MED12L: variants seen among roughly 807,000 people sequenced by gnomAD.
MED12L encodes mediator complex subunit 12L, also known as mediator of RNA polymerase II transcription subunit 12-like protein.
A neutral mutation model predicts 281.3 loss-of-function variants in MED12L; 60 were observed. The ratio of observed to expected loss-of-function variants is 0.21; its 90% confidence interval spans 0.17 to 0.26. The LOEUF (loss-of-function observed/expected upper bound fraction) is 0.26. MED12L is among the 10% of genes least tolerant of loss of function. The pLI is 1.00. For missense variants in MED12L, 2,146 were observed against 2,680.9 expected (o/e 0.80, Z 4.41); for synonymous variants, 974 against 987.2 (o/e 0.99, Z 0.25).
chr3:151,228,991 C>A (rs937683331), intron 16 of MED12L, among the ~76,000 whole-genome samples: 2 of 152,192 alleles, frequency 1.3e-5, no homozygotes, highest in African/African-American at 4.8e-5. Flanking sequence ...GGCTGTTAGA[C>A]CATTAGTGGT....
At chr3:151,329,673 G>A (rs1750131575) in intron 16 of MED12L, 3 of 509,416 alleles carry the variant, frequency 5.9e-6, no homozygotes, top group South Asian at 6.6e-5. Flanking sequence ...CTCTATTTTA[G>A]TTCAAACTTT....
intron 14 of MED12L, among the ~76,000 whole-genome samples, chr3:151,192,327 C>G (rs1387021146): frequency 5.3e-5 from 8 of 152,182 alleles, no homozygotes. Flanking sequence ...GTGTGCTCTT[C>G]TCTTAAAATA....
intron 11 of MED12L, among the ~76,000 whole-genome samples, chr3:151,174,790 T>C (rs1721840319): frequency 6.6e-6 from 1 of 152,154 alleles, no homozygotes; most frequent in Non-Finnish European, 1.5e-5. Flanking sequence ...CGATCACAGC[T>C]GATTGCAGCC....
In MED12L at chr3:151,434,248, A is replaced by G. The variant is rs1719843618; in HGVS notation, c.*1444A>G. On this transcript the variant is annotated 3_prime_UTR_variant, in exon 45 of 45. Transcript: ENST00000687756. Reference sequence around the variant, plus strand: ...CTTTTTTTAAAATGTAGCTAGTACAACTTTAGTAGACATTTTCTTTTGCAA... The same window carrying G: ...CTTTTTTTAAAATGTAGCTAGTACAGCTTTAGTAGACATTTTCTTTTGCAA... 6.6e-6 allele frequency: 1 copy of G among 152,204 alleles called. No homozygotes were observed. The highest frequency in any genetic ancestry group is 1.5e-5 in the Non-Finnish European group (1 of 68,040). The allele number at this position is 152,204 out of a possible 1,614,324, so 9.4% of individuals were successfully genotyped here.
At chr3:151,336,646 C>T (rs1159616363) in intron 16 of MED12L, 1 of 427,786 alleles carries the variant, frequency 2.3e-6, no homozygotes, top group East Asian at 7.0e-5. Flanking sequence ...TAGAATTAGA[C>T]TGCATGTTAT....
At position 151,164,009 on chromosome 3, in the gene MED12L, C is replaced by T. The variant is rs1720351758; in HGVS notation, c.1224C>T (p.Pro408=). 1.2e-5 allele frequency: 20 copies of T among 1,613,692 alleles called. No homozygotes were observed. The highest frequency in any genetic ancestry group is 1.7e-5 in the Non-Finnish European group (20 of 1,179,768). ...DLLQVAPSSL[P]MPGGNTAFNQ... is the part of the protein sequence containing the mutation. ...TGCAGGTGGCCCCGTCCAGCCTCCC[C>T]ATGCCGGGTGGGAACACGGCTTTCA... Residue 408 remains proline, a synonymous_variant, in exon 9 of 45, where the codon CCC becomes CCT. Transcript: ENST00000687756.
At chr3:151,399,967 C>T (rs1270568974) in intron 39 of MED12L, among the ~76,000 whole-genome samples, 2 of 152,170 alleles carry the variant, frequency 1.3e-5, no homozygotes, top group Admixed American at 1.3e-4. Context: ...GCTGGGACTA[C>T]AGGCATGCAC....
rs1238752321 is a variant in MED12L at position 151,154,128 on chromosome 3, CTA to C, written c.557-2031_557-2030del. ...TTATTAAGGAGTACAGTACTAGTCA[CTA>C]TGTGTTATTTTCTATTTTTAATTTT... is the stretch of plus-strand genomic sequence containing the variant. On this transcript the variant is annotated intron_variant, in intron 5 of 44. Transcript: ENST00000687756. Among the ~76,000 whole-genome samples, 4 of 152,122 alleles carry C rather than the reference CTA, an allele frequency of 2.6e-5. No individual in the cohort carries two copies. The South Asian group carries it at 6.2e-4, about 24-fold the overall frequency.
At chr3:151,232,705 A>G (rs1257220814) in intron 16 of MED12L, among the ~76,000 whole-genome samples, 6 of 152,182 alleles carry the variant, frequency 3.9e-5, no homozygotes, top group Non-Finnish European at 7.3e-5. Context: ...CAAATACCAC[A>G]TGTTCTCACT....
intron 2 of MED12L, among the ~76,000 whole-genome samples, chr3:151,092,692 C>A (rs1255741691): frequency 1.3e-5 from 2 of 152,114 alleles, no homozygotes; most frequent in Non-Finnish European, 1.5e-5. Flanking sequence ...ATAAAGTTTT[C>A]TGGGAAGAAA....
chr3:151,338,409 A>G lies in MED12L; in HGVS notation c.2251-11650A>G, dbSNP rs754678426. ...TAAGAACATGAATGCCCAGATGACAACAGAGAGAATCTTAGCCCCCAAGAG... is the reference window on the plus strand; with the variant it reads ...TAAGAACATGAATGCCCAGATGACAGCAGAGAGAATCTTAGCCCCCAAGAG... On this transcript the variant is annotated intron_variant, in intron 16 of 44. Coordinates refer to ENST00000687756, the MANE Select transcript of MED12L (RefSeq NM_001393769.1). 7 of 1,614,136 alleles carry G rather than the reference A, an allele frequency of 4.3e-6. No homozygotes were observed. In the South Asian group the frequency reaches 4.4e-5, roughly 10 times the overall value.
At chr3:151,118,767 C>T (rs927735830) in intron 3 of MED12L, among the ~76,000 whole-genome samples, 3 of 151,926 alleles carry the variant, frequency 2.0e-5, no homozygotes, top group Admixed American at 2.0e-4. Context: ...AATCTTCGCT[C>T]ACTGCAACCT....
intron 16 of MED12L, chr3:151,213,782 G>T (rs1247304876): frequency 6.2e-7 from 1 of 1,614,152 alleles, no homozygotes; most frequent in Non-Finnish European, 8.5e-7. Flanking sequence ...TTCCGTCCCA[G>T]TTCACTTTTC....
intron 16 of MED12L, among the ~76,000 whole-genome samples, chr3:151,305,345 G>A (rs1284903107): frequency 6.6e-6 from 1 of 152,156 alleles, no homozygotes. Context: ...AGATGGTATC[G>A]CTGCTTAGAG....
intron 15 of MED12L, among the ~76,000 whole-genome samples, chr3:151,192,882 C>G (rs1232166631): frequency 6.6e-6 from 1 of 152,126 alleles, no homozygotes. Context: ...GGTTGGCTAA[C>G]TTTTTTGTTC....
chr3:151,343,223 T>G (rs1274296911), intron 16 of MED12L, among the ~76,000 whole-genome samples: 1 of 152,176 alleles, frequency 6.6e-6, no homozygotes, highest in Non-Finnish European at 1.5e-5. Context: ...TCTAAGACCA[T>G]CAAATGAAAC....
intron 38 of MED12L, among the ~76,000 whole-genome samples, chr3:151,393,740 T>G (rs1714595640): frequency 6.6e-6 from 1 of 152,206 alleles, no homozygotes; most frequent in Non-Finnish European, 1.5e-5. Flanking sequence ...GATTTTTAGT[T>G]TCCTTTCACA....
Position 151,338,732 on chromosome 3 carries a change from A to G in MED12L, c.2251-11327A>G, listed in dbSNP as rs376700750. The G allele has an allele frequency of 7.5e-5, 121 of 1,613,548 alleles. No homozygotes were observed. Among genetic ancestry groups the G allele is most frequent in the Non-Finnish European group, 9.9e-5 (117 of 1,179,830 alleles). ...TCGCCAGGCCATTTGTGATAAGTCC[A>G]ACAAAAAACAGGACAGTGTAGAGCA... On this transcript the variant is annotated intron_variant, in intron 16 of 44. Coordinates refer to ENST00000687756, the MANE Select transcript of MED12L (RefSeq NM_001393769.1).
At chr3:151,154,489 C>T (rs563031967) in intron 5 of MED12L, among the ~76,000 whole-genome samples, 5 of 152,022 alleles carry the variant, frequency 3.3e-5, no homozygotes, top group African/African-American at 7.3e-5. Flanking sequence ...CTATAATGAA[C>T]GCGTATTTCT....
Sources: allele counts gnomAD v4.1 joint callset (sites outside exome capture counted in the v4.1 genomes callset), GRCh38; gene constraint gnomAD v4.1.1; transcripts MANE v1.5; gene names NCBI Gene and HGNC (gene_info 2026-07-23, HGNC 2026-07-21).